ADAT1: variants seen among roughly 807,000 people sequenced by gnomAD.
ADAT1 encodes adenosine deaminase tRNA specific 1.
A neutral mutation model predicts 58.6 loss-of-function variants in ADAT1; 58 were observed. The ratio of observed to expected loss-of-function variants is 0.99; its 90% CI spans 0.80 to 1.23. The LOEUF (loss-of-function observed/expected upper bound fraction) is 1.23, where lower values mean the gene tolerates loss of function less well. Ranked by LOEUF, ADAT1 falls within the 50% of genes most tolerant of loss-of-function variation. The pLI, the probability that ADAT1 is intolerant of heterozygous loss-of-function variation, is 0.00. For synonymous variants in ADAT1, 254 were observed against 220.8 expected, an observed-to-expected ratio of 1.15 and a Z score of -1.33; for missense variants, 741 against 608.6, an observed-to-expected ratio of 1.22 and a Z score of -2.29.
chr16:75,603,271 G>T lies in ADAT1; in HGVS notation c.1290-100C>A, dbSNP rs1189978833. 5.0e-6 allele frequency: 5 copies of T among 1,000,146 alleles called. No homozygotes were observed. In the Admixed American group the frequency reaches 1.0e-4, roughly 21 times the overall value. The allele number at this position is 1,000,146 out of a possible 1,614,324, so 62.0% of individuals were successfully genotyped here. On this transcript the variant is annotated intron_variant, in intron 8 of 9. Coordinates refer to ENST00000564657, the MANE Select transcript of ADAT1 (RefSeq NM_001324445.2). ...CTTCATGTGGTTTTTAGGTTTGAAG[G>T]TGCCAGAGCCCCTCATTTTCACCTG...
At chr16:75,622,004 GC>G (rs1217253482) in intron 1 of ADAT1, among the ~76,000 whole-genome samples, 1 of 152,168 alleles carries the variant, frequency 6.6e-6, no homozygotes, top group Non-Finnish European at 1.5e-5. Context: ...AAAAAAATTA[GC>G]CGGGCGTGAT....
chr16:75,614,735 A>T (rs1473727753), intron 5 of ADAT1, among the ~76,000 whole-genome samples: 1 of 152,200 alleles, frequency 6.6e-6, no homozygotes, highest in Non-Finnish European at 1.5e-5. Flanking sequence ...CCCAGCCAAC[A>T]AATTATTAAT....
At chr16:75,609,958 C>G (rs2081479779) in intron 6 of ADAT1, among the ~76,000 whole-genome samples, 1 of 152,184 alleles carries the variant, frequency 6.6e-6, no homozygotes, top group Non-Finnish European at 1.5e-5. Context: ...CCCACTCCAG[C>G]CTCCCAAAGT....
intron 6 of ADAT1, among the ~76,000 whole-genome samples, chr16:75,611,581 C>T (rs1239360903): frequency 2.6e-5 from 4 of 151,870 alleles, no homozygotes; most frequent in Non-Finnish European, 5.9e-5. Context: ...GGGGTTTCCT[C>T]ATGTTACCTA....
chr16:75,604,456 A>AAAAAAAAAAAAATATATAT (rs1555508674), intron 8 of ADAT1, among the ~76,000 whole-genome samples: 1 of 48,786 alleles, frequency 2.0e-5, no homozygotes, highest in African/African-American at 1.4e-4. Context: ...AAAAAAAAAA[A>AAAAAAAAAAAAATATATAT]ATATATATAT....
intron 9 of ADAT1, 44 bp from the exon 10 acceptor site, chr16:75,600,392 G>T: frequency 6.2e-7 from 1 of 1,606,594 alleles, no homozygotes; most frequent in Non-Finnish European, 8.5e-7. Context: ...TCATTGAATA[G>T]CCCACCCCAG....
In ADAT1 at chr16:75,608,984, G is replaced by T. The variant is rs1478491353; in HGVS notation, c.1048C>A (p.Gln350Lys). Residue 350 changes from glutamine to lysine, a missense_variant, in exon 7 of 10, where the codon CAG (glutamine) becomes AAG (lysine). Transcript: ENST00000564657. Reference sequence around the variant, plus strand: ...CCTTTTGGTAAAGCAGACACATTCTGACACCTAAATACAAGGGAAAATGCA... The same window carrying T: ...CCTTTTGGTAAAGCAGACACATTCTTACACCTAAATACAAGGGAAAATGCA... ...AMQRALIGRC[Q>K]NVSALPKGFG... 1 of 1,614,110 alleles carries T rather than the reference G, an allele frequency of 6.2e-7. No individual in the cohort carries two copies. The highest frequency in any genetic ancestry group is 2.2e-5 in the East Asian group (1 of 44,892).
Position 75,612,676 on chromosome 16 carries a change from C to T in ADAT1, c.610G>A (p.Ala204Thr), listed in dbSNP as rs368488673. Residue 204 changes from alanine (A) to threonine (T), a missense_variant, in exon 6 of 10, where the codon GCA becomes ACA. Physicochemically the swap from Ala to Thr is moderately conservative, Grantham distance 58. Coordinates refer to ENST00000564657, the MANE Select transcript of ADAT1 (RefSeq NM_001324445.2). ...TKKMRLEPGT[A>T]AREVTNGAAH... ...GCTCCGTTGGTGACCTCCCTGGCTG[C>T]AGTCCCAGGCTCAAGCCTCATCTTT... 1.6e-5 allele frequency: 26 copies of T among 1,613,988 alleles called. No individual in the cohort carries two copies. Among genetic ancestry groups the T allele is most frequent in the Non-Finnish European group, 2.1e-5 (25 of 1,180,028 alleles).
At position 75,597,206 on chromosome 16, in the gene ADAT1, A is replaced by C. The variant is rs2081090581; in HGVS notation, c.*3010T>G. On this transcript the variant is annotated 3_prime_UTR_variant, in exon 10 of 10. Coordinates refer to ENST00000564657, the MANE Select transcript of ADAT1 (RefSeq NM_001324445.2). Reference sequence around the variant, plus strand: ...TTGCAGATCTAGTTAGTTAAGATGAAATCAGACTGGATTAGGGCAGGCCCT... The same window carrying C: ...TTGCAGATCTAGTTAGTTAAGATGACATCAGACTGGATTAGGGCAGGCCCT... 1.1e-5 allele frequency: 3 copies of C among 264,564 alleles called. No homozygotes were observed. The highest frequency in any genetic ancestry group is 2.6e-3 in the Middle Eastern group (2 of 764). 16.4% of individuals were successfully genotyped at this position (264,564 alleles called of 1,614,324 possible).
At chr16:75,619,914 A>G (rs867426032) in intron 3 of ADAT1, among the ~76,000 whole-genome samples, 5 of 151,428 alleles carry the variant, frequency 3.3e-5, no homozygotes, top group African/African-American at 1.2e-4. Context: ...AAAAAAAAAA[A>G]GATTGCTTTC....
intron 5 of ADAT1, among the ~76,000 whole-genome samples, chr16:75,616,577 C>A (rs897754737): frequency 6.6e-6 from 1 of 152,126 alleles, no homozygotes; most frequent in East Asian, 1.9e-4. Context: ...AATGACACCC[C>A]CTTCACCCCA....
chr16:75,610,228 G>C (rs2081488316), intron 6 of ADAT1, among the ~76,000 whole-genome samples: 1 of 151,506 alleles, frequency 6.6e-6, no homozygotes, highest in South Asian at 2.1e-4. Flanking sequence ...ATGGACATTT[G>C]TCTTTTTGTT....
Position 75,608,316 on chromosome 16 carries a change from G to A in ADAT1, c.1197C>T (p.Ser399=). 6.2e-7 allele frequency: 1 copy of A among 1,613,414 alleles called. No individual in the cohort carries two copies. Among genetic ancestry groups the A allele is most frequent in the Non-Finnish European group, 8.5e-7 (1 of 1,179,460 alleles). The change falls in exon 8 of 10, where the codon AGC becomes AGT. Residue 399 remains serine (S), a synonymous_variant. Transcript: ENST00000564657. ...AAGGCTGCTCAGGAACTGCACTCCA[G>A]CTGATGGCTATGAAAAGATAAGATT... is the stretch of plus-strand genomic sequence containing the variant. The part of the protein sequence containing the change: ...GRLVPCGAAI[S]WSAVPEQPLD...
At chr16:75,613,777 A>C (rs766687042) in intron 5 of ADAT1, among the ~76,000 whole-genome samples, 1 of 152,204 alleles carries the variant, frequency 6.6e-6, no homozygotes, top group Non-Finnish European at 1.5e-5. Context: ...TCTCCTGGGG[A>C]GCAAAACTTT....
rs117625422 is a variant in ADAT1, at chr16:75,620,086, C to T, written c.238+180G>A. Reference sequence around the variant, plus strand: ...CGGAAAGCATGTTCCTAGAGGCCTCCGCTTTGATGGTGGATTTCCATTCTC... The same window carrying T: ...CGGAAAGCATGTTCCTAGAGGCCTCTGCTTTGATGGTGGATTTCCATTCTC... On this transcript the variant is annotated intron_variant, in intron 3 of 9. Coordinates refer to ENST00000564657, the MANE Select transcript of ADAT1 (RefSeq NM_001324445.2). Among the ~76,000 whole-genome samples the T allele has an allele frequency of 7.2e-5, 11 of 152,112 alleles. No individual in the cohort carries two copies. In the East Asian group the frequency reaches 9.7e-4, roughly 13 times the overall value.
intron 6 of ADAT1, among the ~76,000 whole-genome samples, chr16:75,611,745 T>C (rs2151762866): frequency 6.6e-6 from 1 of 151,482 alleles, no homozygotes; most frequent in East Asian, 1.9e-4. Context: ...GGCATTTCAG[T>C]TGTTTACTTT....
intron 8 of ADAT1, among the ~76,000 whole-genome samples, chr16:75,607,285 C>G (rs1259540837): frequency 2.0e-5 from 3 of 152,014 alleles, no homozygotes; most frequent in Non-Finnish European, 4.4e-5. Flanking sequence ...GGGTGGATCA[C>G]TTGAGGTCAG....
In ADAT1 at chr16:75,597,142, T is replaced by G. The variant is rs926789619; in HGVS notation, c.*3074A>C. 4 of 207,838 alleles carry G rather than the reference T, an allele frequency of 1.9e-5. No individual in the cohort carries two copies. The highest frequency in any genetic ancestry group is 3.0e-5 in the Non-Finnish European group (3 of 99,356). 12.9% of individuals were successfully genotyped at this position (207,838 alleles called of 1,614,324 possible). A position where few individuals can be genotyped will look rare whatever the true frequency, so the allele number is the denominator to read the frequency against. The stretch of plus-strand genomic sequence containing the variant: ...TGTCCCCCAAAACTTCATGTCTACC[T>G]GAAACCTCAGAATGTGACTTTAGTT... On this transcript the variant is annotated 3_prime_UTR_variant, in exon 10 of 10. Transcript: ENST00000564657.
chr16:75,618,661 C>G, intron 3 of ADAT1, 21 bp from the exon 4 acceptor site: 1 of 1,612,368 alleles, frequency 6.2e-7, no homozygotes, highest in Non-Finnish European at 8.5e-7. Flanking sequence ...GATAGGACAC[C>G]AGGTGAAGAC....
Sources: allele counts gnomAD v4.1 joint callset (sites outside exome capture counted in the v4.1 genomes callset), GRCh38; gene constraint gnomAD v4.1.1; transcripts MANE v1.5; gene names NCBI Gene and HGNC (gene_info 2026-07-23, HGNC 2026-07-21).